The following CEP112 variants were observed in gnomAD, a reference collection of about 807,000 sequenced individuals.
CEP112 encodes centrosomal protein of 112 kDa.
In CEP112, 127 loss-of-function variants were observed where a neutral mutation model predicts 153.0. The observed-to-expected ratio is 0.83, with a 90% CI of 0.72 to 0.96. The LOEUF (loss-of-function observed/expected upper bound fraction) is 0.96, where lower values mean the gene tolerates loss of function less well. CEP112 is among the 40% of genes least tolerant of loss of function. CEP112 has a pLI of 0.00. For synonymous variants in CEP112, 358 were observed against 374.4 expected, an observed-to-expected ratio of 0.96 and a Z score of 0.51; for missense variants, 1,089 against 1,101.2, an observed-to-expected ratio of 0.99 and a Z score of 0.16.
At chr17:65,880,999 A>G (rs1352808911) in intron 20 of CEP112, among the ~76,000 whole-genome samples, 1 of 152,250 alleles carries the variant, frequency 6.6e-6, no homozygotes, top group South Asian at 2.1e-4. Flanking sequence ...GGCAGATCAC[A>G]AGGTCAGGAG....
chr17:65,995,396 T>C (rs1014880657), intron 17 of CEP112, among the ~76,000 whole-genome samples: 1 of 152,146 alleles, frequency 6.6e-6, no homozygotes, highest in Admixed American at 6.6e-5. Flanking sequence ...ATCTTTGATA[T>C]AGGTGGGAAA....
intron 21 of CEP112, among the ~76,000 whole-genome samples, chr17:65,847,781 T>C (rs1568109810): frequency 1.3e-5 from 2 of 152,058 alleles, no homozygotes; most frequent in African/African-American, 2.4e-5. Flanking sequence ...AAAGGTGGCA[T>C]AGGTAGGCCA....
At chr17:66,019,601 T>C (rs2064917671) in intron 16 of CEP112, among the ~76,000 whole-genome samples, 1 of 152,246 alleles carries the variant, frequency 6.6e-6, no homozygotes, top group Non-Finnish European at 1.5e-5. Flanking sequence ...ATATGCAATA[T>C]GAACAATGAT....
intron 18 of CEP112, among the ~76,000 whole-genome samples, chr17:65,951,749 C>CCCCCCCCCCCCG (rs71160510): frequency 9.4e-6 from 1 of 106,240 alleles, no homozygotes; most frequent in Non-Finnish European, 2.0e-5. Context: ...CCCCGCCCCC[C>CCCCCCCCCCCCG]CCTTTCTTCC....
intron 21 of CEP112, among the ~76,000 whole-genome samples, chr17:65,796,632 A>C (rs532556464): frequency 6.6e-6 from 1 of 152,324 alleles, no homozygotes; most frequent in African/African-American, 2.4e-5. Flanking sequence ...CAAAACAAAA[A>C]CAAAAATGCC....
At chr17:65,921,217 A>C (rs1426167845) in intron 19 of CEP112, among the ~76,000 whole-genome samples, 1 of 152,108 alleles carries the variant, frequency 6.6e-6, no homozygotes, top group East Asian at 1.9e-4. Context: ...CAGATATATT[A>C]CATCTACTCC....
At chr17:66,175,488 T>A (rs1518268) in intron 3 of CEP112, among the ~76,000 whole-genome samples, 102,114 of 152,100 alleles carry the variant, frequency 0.67, 35,987 homozygotes, top group Non-Finnish European at 0.78. Flanking sequence ...TTTATATTAC[T>A]AAAGGAATAT....
chr17:65,650,285 C>T (rs1449658807), intron 24 of CEP112, among the ~76,000 whole-genome samples: 1 of 152,100 alleles, frequency 6.6e-6, no homozygotes, highest in Non-Finnish European at 1.5e-5. Context: ...GGAGCTTGGC[C>T]AGACCTTCAT....
At chr17:65,976,893 C>G (rs112418102) in intron 17 of CEP112, among the ~76,000 whole-genome samples, 2 of 152,118 alleles carry the variant, frequency 1.3e-5, no homozygotes, top group African/African-American at 4.8e-5. Flanking sequence ...CATGCACCCC[C>G]ATGCCCAGCT....
In CEP112 at chr17:65,879,782, T is replaced by C. The variant is rs188967551; in HGVS notation, c.2163+22370A>G. On this transcript the variant is annotated intron_variant, in intron 20 of 26. Transcript: ENST00000535342. The stretch of plus-strand genomic sequence containing the variant: ...GATCTTTTCAAGTTTAAAAATATGA[T>C]TCCAGCACATAAGGGAAAGCAAATC... Among the ~76,000 whole-genome samples the C allele has an allele frequency of 4.4e-3, 660 of 150,626 alleles. 2 individuals carry two copies. The highest frequency in any genetic ancestry group is 0.015 in the African/African-American group (634 of 41,034).
intron 8 of CEP112, among the ~76,000 whole-genome samples, chr17:66,095,847 G>A (rs2068320738): frequency 6.6e-6 from 1 of 152,078 alleles, no homozygotes; most frequent in African/African-American, 2.4e-5. Context: ...CAAGGTAGGA[G>A]GAGGATCACT....
intron 21 of CEP112, among the ~76,000 whole-genome samples, chr17:65,809,237 C>T (rs1346292045): frequency 6.6e-6 from 1 of 152,136 alleles, no homozygotes; most frequent in East Asian, 1.9e-4. Flanking sequence ...AAACCACATG[C>T]TGGATCCATG....
chr17:65,648,619 G>C (rs537611440), intron 24 of CEP112, among the ~76,000 whole-genome samples: 5 of 152,348 alleles, frequency 3.3e-5, no homozygotes, highest in African/African-American at 1.2e-4. Flanking sequence ...TATGGAATGT[G>C]CAGTTGACTT....
intron 21 of CEP112, among the ~76,000 whole-genome samples, chr17:65,785,488 T>G (rs893916387): frequency 7.9e-5 from 12 of 152,240 alleles, no homozygotes; most frequent in Admixed American, 5.9e-4. Flanking sequence ...TCGTCTGTCT[T>G]GTTGATTACA....
chr17:65,686,202 A>C (rs2047782466), intron 24 of CEP112, among the ~76,000 whole-genome samples: 2 of 147,788 alleles, frequency 1.4e-5, no homozygotes, highest in African/African-American at 5.0e-5. Context: ...TGAAATATTC[A>C]GCTTTACCCA....
At chr17:65,662,635 A>T (rs2046445933) in intron 24 of CEP112, among the ~76,000 whole-genome samples, 1 of 152,232 alleles carries the variant, frequency 6.6e-6, no homozygotes, top group African/African-American at 2.4e-5. Flanking sequence ...AAAAGCTCTC[A>T]ACAATCACTG....
Position 66,175,161 on chromosome 17 carries a change from C to T in CEP112, c.353G>A (p.Gly118Glu). ...PARAKGSSPEGLPAWVLGELE... is the reference protein window; with the variant it reads ...PARAKGSSPEELPAWVLGELE... ...CTCACCCAGTACCCAGGCTGGTAAT[C>T]CCTCTGGGCTTGAACCTTTTGCTCG... is the stretch of plus-strand genomic sequence containing the variant. Residue 118 changes from glycine to glutamate, a missense_variant, in exon 4 of 27, where the codon GGA (glycine) becomes GAA (glutamate). Coordinates refer to ENST00000535342, the MANE Select transcript of CEP112 (RefSeq NM_001199165.4). 12 of 1,613,042 alleles carry T rather than the reference C, an allele frequency of 7.4e-6. No individual in the cohort carries two copies. The highest frequency in any genetic ancestry group is 1.0e-5 in the Non-Finnish European group (12 of 1,179,530).
chr17:65,892,960 T>G (rs1392677593), intron 20 of CEP112, among the ~76,000 whole-genome samples: 1 of 152,154 alleles, frequency 6.6e-6, no homozygotes, highest in Non-Finnish European at 1.5e-5. Flanking sequence ...GATCTGGGGT[T>G]TGTTTTCGTA....
intron 6 of CEP112, among the ~76,000 whole-genome samples, chr17:66,121,267 A>G (rs547315771): frequency 1.4e-5 from 2 of 142,116 alleles, no homozygotes; most frequent in South Asian, 4.4e-4. Flanking sequence ...CATGAGCGAC[A>G]CTTCGTCTCA....
Sources: allele counts gnomAD v4.1 joint callset (sites outside exome capture counted in the v4.1 genomes callset), GRCh38; gene constraint gnomAD v4.1.1; transcripts MANE v1.5; gene names NCBI Gene and HGNC (gene_info 2026-07-23, HGNC 2026-07-21).